SMG7: variants seen among roughly 807,000 people sequenced by gnomAD.
SMG7 encodes the protein nonsense-mediated mRNA decay factor SMG7.
Under a neutral mutation model 148.2 loss-of-function variants are expected in SMG7, and 34 were observed. That is an observed-to-expected ratio of 0.23 (90% CI 0.17 to 0.31). The LOEUF (loss-of-function observed/expected upper bound fraction) is 0.31, where lower values mean the gene tolerates loss of function less well. SMG7 is among the 10% of genes least tolerant of loss of function. The pLI is 1.00. For synonymous variants in SMG7, 492 were observed against 515.1 expected (o/e 0.96, Z 0.61); for missense variants, 1,114 against 1,408.4 (o/e 0.79, Z 3.35).
chr1:183,541,226 T>C (rs764055243), intron 13 of SMG7, 123 bp downstream of exon 13: 11 of 845,350 alleles, frequency 1.3e-5, no homozygotes, highest in Non-Finnish European at 2.1e-5. Context: ...GGTATAAATA[T>C]TGTCAATCAT....
At chr1:183,479,804 G>A (rs1653624879) in intron 1 of SMG7, among the ~76,000 whole-genome samples, 1 of 152,160 alleles carries the variant, frequency 6.6e-6, no homozygotes, top group South Asian at 2.1e-4. Flanking sequence ...TGGAGATGGG[G>A]TGGAGAGGGT....
At chr1:183,500,590 T>C (rs1659506851) in intron 1 of SMG7, among the ~76,000 whole-genome samples, 1 of 152,178 alleles carries the variant, frequency 6.6e-6, no homozygotes, top group South Asian at 2.1e-4. Context: ...GAAGGAAATG[T>C]GTACACAAAT....
rs1052540380 is a variant in SMG7, at chr1:183,533,607, A to G, written c.1007-69A>G. 6 of 1,337,578 alleles carry G rather than the reference A, an allele frequency of 4.5e-6. No individual in the cohort carries two copies. In the African/African-American group the frequency reaches 5.8e-5, roughly 13 times the overall value. 82.9% of individuals were successfully genotyped at this position (1,337,578 alleles called of 1,614,324 possible). On this transcript the variant is annotated intron_variant, in intron 9 of 22. Coordinates refer to ENST00000688051, the MANE Select transcript of SMG7 (RefSeq NM_001375584.1). ...TTAAACAGAATATAGTAGAAGGCAC[A>G]TAATATTTTAATTTGAACTGGCACA... is the stretch of plus-strand genomic sequence containing the variant.
intron 1 of SMG7, among the ~76,000 whole-genome samples, chr1:183,498,588 CTT>C (rs1659070097): frequency 6.6e-6 from 1 of 152,214 alleles, no homozygotes; most frequent in Non-Finnish European, 1.5e-5. Flanking sequence ...TGGTTACACT[CTT>C]GTTTTCTTTT....
At chr1:183,491,113 A>C (rs1275380100) in intron 1 of SMG7, among the ~76,000 whole-genome samples, 1 of 152,082 alleles carries the variant, frequency 6.6e-6, no homozygotes, top group Non-Finnish European at 1.5e-5. Context: ...ACTCTGCTTA[A>C]CCCTCTGTGC....
Position 183,522,602 on chromosome 1 carries a change from G to GT in SMG7, c.313-3988dup, listed in dbSNP as rs963952063. Among the ~76,000 whole-genome samples, 10 of 152,038 alleles carry GT rather than the reference G, an allele frequency of 6.6e-5. 1 individual carries two copies. The East Asian group carries it at 7.7e-4, about 12-fold the overall frequency. On this transcript the variant is annotated intron_variant, in intron 4 of 22. Transcript: ENST00000688051. The stretch of plus-strand genomic sequence containing the variant: ...ATGACAAGTGACCATATAACTTGTG[G>GT]TTTTTTCTCAATATTATATAAGATG...
At chr1:183,486,093 G>A (rs1240591775) in intron 1 of SMG7, among the ~76,000 whole-genome samples, 3 of 152,056 alleles carry the variant, frequency 2.0e-5, no homozygotes, top group Admixed American at 2.0e-4. Context: ...AATTTTCTCA[G>A]GTAAATGAGT....
At chr1:183,532,281 GCT>G (rs966320004) in intron 8 of SMG7, among the ~76,000 whole-genome samples, 25 of 152,238 alleles carry the variant, frequency 1.6e-4, no homozygotes, top group Admixed American at 1.5e-3. Context: ...ATGAATCCCT[GCT>G]CTCTGCAAAA....
At chr1:183,535,445 G>A (rs572081536) in intron 10 of SMG7, among the ~76,000 whole-genome samples, 34 of 152,084 alleles carry the variant, frequency 2.2e-4, no homozygotes, top group Non-Finnish European at 2.6e-4. Context: ...TTGATTCTGT[G>A]TTAAATTATG....
At position 183,538,875 on chromosome 1, in the gene SMG7, A is replaced by G. The variant is rs540149011; in HGVS notation, c.1295+435A>G. On this transcript the variant is annotated intron_variant, in intron 12 of 22. Coordinates refer to ENST00000688051, the MANE Select transcript of SMG7 (RefSeq NM_001375584.1). Reference sequence around the variant, plus strand: ...ACGTTGCCTTATCTTTTCATCATCAAACTTCTTAAAAAGAGTAGTATGCAC... The same window carrying G: ...ACGTTGCCTTATCTTTTCATCATCAGACTTCTTAAAAAGAGTAGTATGCAC... Among the ~76,000 whole-genome samples the G allele has an allele frequency of 5.9e-5, 9 of 152,152 alleles. No individual in the cohort carries two copies. The South Asian group carries it at 1.7e-3, about 28-fold the overall frequency.
At chr1:183,511,296 CTGTAATA>C (rs1245220214) in intron 1 of SMG7, among the ~76,000 whole-genome samples, 3 of 152,258 alleles carry the variant, frequency 2.0e-5, no homozygotes, top group Non-Finnish European at 1.5e-5. Flanking sequence ...TTCTTAAAAT[CTGTAATA>C]TGTAATATGA....
intron 1 of SMG7, among the ~76,000 whole-genome samples, chr1:183,495,269 G>C (rs564005858): frequency 3.0e-4 from 46 of 151,944 alleles, no homozygotes; most frequent in African/African-American, 1.1e-3. Flanking sequence ...AGATTTATAG[G>C]CTTATAATTT....
intron 1 of SMG7, among the ~76,000 whole-genome samples, chr1:183,483,531 TGA>T (rs1311502962): frequency 6.6e-6 from 1 of 152,148 alleles, no homozygotes; most frequent in Non-Finnish European, 1.5e-5. Context: ...AGCATAGTGT[TGA>T]GAGAACCACC....
rs1217467761 is a variant in SMG7 at position 183,529,407 on chromosome 1, G to C, written c.717G>C (p.Glu239Asp). ...TTTTCTTTCATTTCAGCCGAGATGAGGTGAAAACCAAGTGGGGTGTTTCTG... is the reference window on the plus strand; with the variant it reads ...TTTTCTTTCATTTCAGCCGAGATGACGTGAAAACCAAGTGGGGTGTTTCTG... ...ALSKALESRD[E>D]VKTKWGVSDF... The change falls in exon 8 of 23, where the codon GAG (glutamate) becomes GAC (aspartate). Residue 239 changes from glutamate (E) to aspartate (D), a missense_variant. Physicochemically the swap from Glu to Asp is conservative, Grantham distance 45. Transcript: ENST00000688051. 6.2e-7 allele frequency: 1 copy of C among 1,612,038 alleles called. No homozygotes were observed. The highest frequency in any genetic ancestry group is 1.1e-5 in the South Asian group (1 of 90,664).
intron 1 of SMG7, among the ~76,000 whole-genome samples, chr1:183,486,999 C>T (rs543260221): frequency 2.7e-4 from 41 of 152,252 alleles, no homozygotes; most frequent in South Asian, 8.3e-4. Context: ...TTTTTAGTTG[C>T]AAGGAACAGA....
At chr1:183,500,313 T>G (rs1328365578) in intron 1 of SMG7, among the ~76,000 whole-genome samples, 2 of 152,190 alleles carry the variant, frequency 1.3e-5, no homozygotes, top group Non-Finnish European at 2.9e-5. Flanking sequence ...AATGATTATG[T>G]ATTTATCTGA....
chr1:183,485,526 C>T lies in SMG7; in HGVS notation c.29+12877C>T, dbSNP rs370094799. On this transcript the variant is annotated intron_variant, in intron 1 of 22. Coordinates refer to ENST00000688051, the MANE Select transcript of SMG7 (RefSeq NM_001375584.1). The stretch of plus-strand genomic sequence containing the variant: ...TCCTCCCTTATTATAGCTGTTCTTT[C>T]TGCAGGTTTTGTCTTTAGTTAGTAT... Among the ~76,000 whole-genome samples the T allele has an allele frequency of 9.9e-5, 15 of 152,258 alleles. 1 individual carries two copies. In the South Asian group the frequency reaches 3.1e-3, roughly 32 times the overall value.
chr1:183,539,596 T>C (rs1185583034), intron 12 of SMG7, among the ~76,000 whole-genome samples: 1 of 152,212 alleles, frequency 6.6e-6, no homozygotes, highest in Admixed American at 6.5e-5. Flanking sequence ...TTTTAAACTT[T>C]AACGTGACCA....
chr1:183,487,278 C>A (rs1353519904), intron 1 of SMG7, among the ~76,000 whole-genome samples: 2 of 152,168 alleles, frequency 1.3e-5, no homozygotes, highest in Non-Finnish European at 2.9e-5. Flanking sequence ...CCCCTTCCAT[C>A]TTCAAAGCCA....
Sources: allele counts gnomAD v4.1 joint callset (sites outside exome capture counted in the v4.1 genomes callset), GRCh38; gene constraint gnomAD v4.1.1; transcripts MANE v1.5; gene names NCBI Gene and HGNC (gene_info 2026-07-23, HGNC 2026-07-21).